RHBDF1: variants seen among roughly 807,000 people sequenced by gnomAD.
RHBDF1 encodes the protein rhomboid 5 homolog 1.
In RHBDF1, 80 loss-of-function variants were observed where a neutral mutation model predicts 98.6. That is an observed-to-expected ratio of 0.81 (90% CI 0.68 to 0.98). The LOEUF is 0.98. Among genes scored for constraint, RHBDF1 ranks in the 50% least tolerant of loss-of-function variants. The probability of loss-of-function intolerance (pLI) is 0.00; values close to 1 mark genes in which losing one functional copy is unlikely to be tolerated. For missense variants in RHBDF1, 1,116 were observed against 1,198.3 expected, an observed-to-expected ratio of 0.93 and a Z score of 1.01; for synonymous variants, 512 against 486.8, an observed-to-expected ratio of 1.05 and a Z score of -0.68.
chr16:66,631 G>A (rs746388142), intron 1 of RHBDF1, among the ~76,000 whole-genome samples: 8 of 152,124 alleles, frequency 5.3e-5, no homozygotes, highest in Non-Finnish European at 1.0e-4. Context: ...CACCCCTCAC[G>A]CTCCAGCCCC....
In RHBDF1 at chr16:58,498, T is replaced by C; in HGVS notation, c.2410A>G (p.Ile804Val). The stretch of plus-strand genomic sequence containing the variant: ...AGGAAGACCACCTGAAAGATGATGA[T>C]CTGGCAGCGTTTCCGGTACAGGTCG... Reference protein sequence around the residue: ...KFDLYRKRCQIIIFQVVFLGL... With the variant: ...KFDLYRKRCQVIIFQVVFLGL... The change falls in exon 18 of 18, where the codon ATC becomes GTC. Residue 804 changes from isoleucine (I) to valine (V), a missense_variant. Transcript: ENST00000262316. The C allele has an allele frequency of 6.2e-7, 1 of 1,614,028 alleles. No individual in the cohort carries two copies. Among genetic ancestry groups the C allele is most frequent in the Non-Finnish European group, 8.5e-7 (1 of 1,180,032 alleles).
At chr16:72,703 G>A (rs1898011397), upstream of RHBDF1, 8 of 983,706 alleles carry the variant, frequency 8.1e-6, no homozygotes, top group Non-Finnish European at 9.7e-6. Flanking sequence ...TCAGAGCTCA[G>A]GAATGCGCGC....
At position 68,671 on chromosome 16, in the gene RHBDF1, G is replaced by A. The variant is rs565411211; in HGVS notation, c.-24-3632C>T. Among the ~76,000 whole-genome samples, 429 of 152,218 alleles carry A rather than the reference G, an allele frequency of 2.8e-3. 3 individuals carry two copies. Among genetic ancestry groups the A allele is most frequent in the Middle Eastern group, 0.01 (3 of 294 alleles). On this transcript the variant is annotated intron_variant, in intron 1 of 17. Coordinates refer to ENST00000262316, the MANE Select transcript of RHBDF1 (RefSeq NM_022450.5). ...TCCCAGGACCAGCTGGGGGGGCTGC[G>A]GGCAGGACTCTCGATGAGGCTGAGG...
chr16:58,729 G>C lies in RHBDF1; in HGVS notation c.2179C>G (p.Leu727Val). ...AAGAGCTCCACGAAGAGGCAGGCCA[G>C]GATGCCGAACTGGGAGCCAGCAGGA... is the stretch of plus-strand genomic sequence containing the variant. ...VGPAGSQFGI[L>V]ACLFVELFQS... The change falls in exon 18 of 18, where the codon CTG (leucine) becomes GTG (valine). Residue 727 changes from leucine (L) to valine (V), a missense_variant. Leu to Val is a conservative substitution (Grantham distance 32). Transcript: ENST00000262316. 3 of 1,612,778 alleles carry C rather than the reference G, an allele frequency of 1.9e-6. No homozygotes were observed. In the South Asian group the frequency reaches 3.3e-5, roughly 18 times the overall value.
intron 1 of RHBDF1, among the ~76,000 whole-genome samples, chr16:66,309 A>G (rs7199408): frequency 0.016 from 2,410 of 152,242 alleles, 60 homozygotes; most frequent in African/African-American, 0.052. Flanking sequence ...CTCCCTCCCA[A>G]CTGCTTGGAG....
At chr16:63,899 TG>T (rs1897744640) in intron 3 of RHBDF1, 99 bp from the exon 4 acceptor site, 2 of 1,015,342 alleles carry the variant, frequency 2.0e-6, no homozygotes, top group African/African-American at 1.6e-5. Flanking sequence ...CCCCCAGGCC[TG>T]TAGTCACTCC....
At position 60,248 on chromosome 16, in the gene RHBDF1, G is replaced by A; in HGVS notation, c.1690C>T (p.His564Tyr). Residue 564 changes from histidine (H) to tyrosine (Y), a missense_variant, in exon 13 of 18, where the codon CAT becomes TAT. Physicochemically the swap from His to Tyr is moderately conservative, Grantham distance 83. Coordinates refer to ENST00000262316, the MANE Select transcript of RHBDF1 (RefSeq NM_022450.5). ...TTGGTGATGTCTTCTGGCCACTCAT[G>A]AGGGTCTTCGGAGGAGGGCTCATCA... ...VCDEPSSEDPHEWPEDITKWP... is the reference protein window; with the variant it reads ...VCDEPSSEDPYEWPEDITKWP... 6.2e-7 allele frequency: 1 copy of A among 1,614,104 alleles called. No individual in the cohort carries two copies. The highest frequency in any genetic ancestry group is 8.5e-7 in the Non-Finnish European group (1 of 1,180,026).
Position 72,526 on chromosome 16 carries a change from G to GA in RHBDF1, c.-39_-38insT. 2 of 831,404 alleles carry GA rather than the reference G, an allele frequency of 2.4e-6. No individual in the cohort carries two copies. Among genetic ancestry groups the GA allele is most frequent in the South Asian group, 6.0e-5 (1 of 16,550 alleles). 51.5% of individuals were successfully genotyped at this position (831,404 alleles called of 1,614,324 possible). On this transcript the variant is annotated 5_prime_UTR_variant, in exon 1 of 18. Coordinates refer to ENST00000262316, the MANE Select transcript of RHBDF1 (RefSeq NM_022450.5). ...GCGCTCACTCACTGCCGCCGCCGGG[G>GA]GCTCTGGGGGGTCCTGAGGGCGCCG...
At chr16:60,822 A>AT (rs949980640) in intron 11 of RHBDF1, 7 of 563,734 alleles carry the variant, frequency 1.2e-5, no homozygotes, top group Non-Finnish European at 2.2e-5. Context: ...GTTGGGATGA[A>AT]TTTTTTTAAA....
At chr16:71,083 G>A (rs1047013407) in intron 1 of RHBDF1, among the ~76,000 whole-genome samples, 1 of 152,150 alleles carries the variant, frequency 6.6e-6, no homozygotes, top group Non-Finnish European at 1.5e-5. Flanking sequence ...GGGAGGGCCT[G>A]ATGGTCCCTG....
rs1378009159 is a variant in RHBDF1, at chr16:61,708, A to G, written c.1209-12T>C. ...AGGTGAAGAAGGGCCTGCGGGGTGGAGCGTCAGCGGGGGCCTCATCCCCGA... is the reference window on the plus strand; with the variant it reads ...AGGTGAAGAAGGGCCTGCGGGGTGGGGCGTCAGCGGGGGCCTCATCCCCGA... On this transcript the variant is annotated splice_polypyrimidine_tract_variant and intron_variant, in intron 8 of 17. Coordinates refer to ENST00000262316, the MANE Select transcript of RHBDF1 (RefSeq NM_022450.5). The G allele has an allele frequency of 6.2e-7, 1 of 1,612,876 alleles. No individual in the cohort carries two copies. The highest frequency in any genetic ancestry group is 8.5e-7 in the Non-Finnish European group (1 of 1,179,768).
chr16:61,571 G>T lies in RHBDF1; in HGVS notation c.1320+14C>A. On this transcript the variant is annotated intron_variant, in intron 9 of 17. Coordinates refer to ENST00000262316, the MANE Select transcript of RHBDF1 (RefSeq NM_022450.5). ...CTCCACTCGTCTGGGCCCAGGGAAGGCACAGGGGCTCACCGAGTCCACCGT... is the reference window on the plus strand; with the variant it reads ...CTCCACTCGTCTGGGCCCAGGGAAGTCACAGGGGCTCACCGAGTCCACCGT... 1 of 1,612,642 alleles carries T rather than the reference G, an allele frequency of 6.2e-7. No homozygotes were observed. Among genetic ancestry groups the T allele is most frequent in the Non-Finnish European group, 8.5e-7 (1 of 1,179,368 alleles).
intron 10 of RHBDF1, 33 bp from the exon 11 acceptor site, chr16:61,314 G>C (rs957954858): frequency 1.3e-6 from 2 of 1,542,396 alleles, no homozygotes; most frequent in Non-Finnish European, 1.7e-6. Flanking sequence ...GCCGCAGTCC[G>C]GGGCCTCCTG....
Position 59,393 on chromosome 16 carries a change from G to A in RHBDF1, c.1893+26C>T, listed in dbSNP as rs139484954. On this transcript the variant is annotated intron_variant, in intron 15 of 17. Coordinates refer to ENST00000262316, the MANE Select transcript of RHBDF1 (RefSeq NM_022450.5). ...CAGCATCACAGTAGCTGGGGGAGGG[G>A]AACGACGGACACTCTGCAGACCTAC... The A allele has an allele frequency of 1.3e-5, 21 of 1,612,732 alleles. No individual in the cohort carries two copies. The African/African-American group carries it at 2.7e-4, about 20-fold the overall frequency.
At chr16:67,971 C>T (rs960422990) in intron 1 of RHBDF1, among the ~76,000 whole-genome samples, 1 of 152,022 alleles carries the variant, frequency 6.6e-6, no homozygotes, top group African/African-American at 2.4e-5. Context: ...AGGACTGTTT[C>T]GGCCGGGGAC....
intron 1 of RHBDF1, among the ~76,000 whole-genome samples, chr16:68,952 C>T (rs926494210): frequency 6.6e-6 from 1 of 152,222 alleles, no homozygotes; most frequent in Non-Finnish European, 1.5e-5. Flanking sequence ...GTGTCTCCAC[C>T]ACCTACAACC....
chr16:72,686 C>T (rs1290064931), upstream of RHBDF1: 130 of 981,132 alleles, frequency 1.3e-4, no homozygotes, highest in Non-Finnish European at 1.5e-4. Context: ...GGGGCGGTCG[C>T]GCTGACTCAG....
At chr16:75,342 GCTACCCCA>G (rs1351771544), upstream of RHBDF1, among the ~76,000 whole-genome samples, 3 of 152,298 alleles carry the variant, frequency 2.0e-5, no homozygotes, top group East Asian at 5.8e-4. Context: ...GTTCCCAACA[GCTACCCCA>G]GAATCCTCTG....
rs1897512666 is a variant in RHBDF1, at chr16:59,319, G to A, written c.1924C>T (p.Leu642=). ...VHCMDDVCGL[L]PFLNPEVPDQ... ...GGCACCTCGGGGTTGAGAAAAGGCA[G>A]GAGCCCACACACATCATCCATGCAG... The change falls in exon 16 of 18, where the codon CTG becomes TTG. Residue 642 remains leucine, a synonymous_variant. Transcript: ENST00000262316. The A allele has an allele frequency of 6.2e-7, 1 of 1,612,264 alleles. No individual in the cohort carries two copies. Among genetic ancestry groups the A allele is most frequent in the Non-Finnish European group, 8.5e-7 (1 of 1,179,026 alleles).
Sources: allele counts gnomAD v4.1 joint callset (sites outside exome capture counted in the v4.1 genomes callset), GRCh38; gene constraint gnomAD v4.1.1; transcripts MANE v1.5; gene names NCBI Gene and HGNC (gene_info 2026-07-23, HGNC 2026-07-21).